EEFSEC: variants seen among roughly 807,000 people sequenced by gnomAD.
The protein encoded by EEFSEC is eukaryotic elongation factor, selenocysteine-tRNA specific, also known as selenocysteine-specific elongation factor.
EEFSEC carries 43 observed loss-of-function variants against 42.1 expected under a neutral mutation model. That is an observed-to-expected ratio of 1.02 (90% CI 0.80 to 1.32). The LOEUF (loss-of-function observed/expected upper bound fraction) is 1.32, where lower values mean the gene tolerates loss of function less well. Ranked by LOEUF, EEFSEC falls within the 40% of genes most tolerant of loss-of-function variation. EEFSEC has a pLI of 0.00. For synonymous variants in EEFSEC, 354 were observed against 339.1 expected (o/e 1.04, Z -0.48); for missense variants, 745 against 803.6 (o/e 0.93, Z 0.88).
intron 6 of EEFSEC, among the ~76,000 whole-genome samples, chr3:128,387,896 G>T (rs1045147775): frequency 1.3e-5 from 2 of 152,258 alleles, no homozygotes; most frequent in Admixed American, 1.3e-4. Context: ...CCTGGAGGAA[G>T]TAGGTCTCAG....
chr3:128,285,709 T>G (rs1041025289), intron 4 of EEFSEC, among the ~76,000 whole-genome samples: 2 of 152,058 alleles, frequency 1.3e-5, no homozygotes, highest in African/African-American at 2.4e-5. Context: ...CCAGCTCCCC[T>G]CGCCCACGCT....
chr3:128,293,660 C>CAAAAAAAAAAAAAAAAAA lies in EEFSEC; in HGVS notation c.786+28889_786+28906dup, dbSNP rs759485696. On this transcript the variant is annotated intron_variant, in intron 4 of 6. Coordinates refer to ENST00000254730, the MANE Select transcript of EEFSEC (RefSeq NM_021937.5). ...TGGGCGACAAAGCAAGACTCTATCT[C>CAAAAAAAAAAAAAAAAAA]AAAAAAAAAAAAAAAAAAAAAAAAA... 1.6e-3 allele frequency among the ~76,000 whole-genome samples: 23 copies of CAAAAAAAAAAAAAAAAAA among 14,116 alleles called. 1 individual carries two copies. The highest frequency in any genetic ancestry group is 3.6e-3 in the South Asian group (1 of 278). 9.3% of individuals were successfully genotyped at this position (14,116 alleles called of 152,430 possible).
chr3:128,358,794 T>A (rs946651791), intron 6 of EEFSEC, among the ~76,000 whole-genome samples: 4 of 152,134 alleles, frequency 2.6e-5, no homozygotes, highest in Non-Finnish European at 5.9e-5. Flanking sequence ...GTTGTCACCC[T>A]CCTTTGCCCA....
intron 5 of EEFSEC, among the ~76,000 whole-genome samples, chr3:128,348,271 C>CGTGTGTGTGTGCGTGTGT (rs71618139): frequency 9.5e-5 from 14 of 147,816 alleles, no homozygotes; most frequent in African/African-American, 2.8e-4. Context: ...TGTGTGTGTG[C>CGTGTGTGTGTGCGTGTGT]GTGTGCGTGT....
At chr3:128,253,265 C>T (rs2066206881) in intron 2 of EEFSEC, among the ~76,000 whole-genome samples, 1 of 152,222 alleles carries the variant, frequency 6.6e-6, no homozygotes, top group African/African-American at 2.4e-5. Flanking sequence ...GCCTCAGGCT[C>T]AGGGCGTGGA....
chr3:128,309,172 G>A (rs980878389), intron 4 of EEFSEC, among the ~76,000 whole-genome samples: 2 of 152,200 alleles, frequency 1.3e-5, no homozygotes, highest in Non-Finnish European at 2.9e-5. Flanking sequence ...CTGGCACATG[G>A]CTTGGAGAGG....
intron 6 of EEFSEC, among the ~76,000 whole-genome samples, chr3:128,374,640 C>T (rs1455341334): frequency 6.6e-6 from 1 of 152,008 alleles, no homozygotes; most frequent in Non-Finnish European, 1.5e-5. Context: ...CGTGATTTTC[C>T]TCCATGTTTA....
chr3:128,311,313 C>T (rs906489348), intron 4 of EEFSEC, among the ~76,000 whole-genome samples: 12 of 152,254 alleles, frequency 7.9e-5, no homozygotes, highest in African/African-American at 2.9e-4. Flanking sequence ...GAGCCCCATT[C>T]TGGGTCTGCC....
At chr3:128,323,290 C>T (rs1291425546) in intron 4 of EEFSEC, among the ~76,000 whole-genome samples, 2 of 152,278 alleles carry the variant, frequency 1.3e-5, no homozygotes, top group East Asian at 1.9e-4. Context: ...TGGCAGAAGC[C>T]GAGCCTCCTT....
chr3:128,362,144 A>T (rs372944604), intron 6 of EEFSEC: 13 of 477,282 alleles, frequency 2.7e-5, no homozygotes, highest in African/African-American at 7.9e-5. Context: ...CTGCGCTCCC[A>T]AAGCTCATCT....
chr3:128,311,639 G>A (rs74433832), intron 4 of EEFSEC, among the ~76,000 whole-genome samples: 1,709 of 152,256 alleles, frequency 0.011, 23 homozygotes, highest in African/African-American at 0.039. Context: ...TTCAGGCTTC[G>A]GTAGCACTCT....
At chr3:128,393,117 AAAG>A (rs1309396006) in intron 6 of EEFSEC, among the ~76,000 whole-genome samples, 3 of 152,176 alleles carry the variant, frequency 2.0e-5, no homozygotes, top group East Asian at 1.9e-4. Flanking sequence ...TTTAAAAAAC[AAAG>A]AAGAAGCTTT....
intron 1 of EEFSEC, among the ~76,000 whole-genome samples, chr3:128,234,003 A>G (rs1054495782): frequency 3.3e-5 from 5 of 151,904 alleles, no homozygotes. Flanking sequence ...CCTTTCCCCG[A>G]TTCCCTGACC....
At chr3:128,284,934 G>T (rs1337564242) in intron 4 of EEFSEC, among the ~76,000 whole-genome samples, 1 of 150,788 alleles carries the variant, frequency 6.6e-6, no homozygotes, top group Non-Finnish European at 1.5e-5. Context: ...AATGCAATAT[G>T]TAAGGAGAAG....
intron 4 of EEFSEC, among the ~76,000 whole-genome samples, chr3:128,338,131 G>T (rs1358253382): frequency 6.6e-6 from 1 of 152,200 alleles, no homozygotes; most frequent in Non-Finnish European, 1.5e-5. Context: ...ATCATAACTG[G>T]CACAATGCCT....
Position 128,259,483 on chromosome 3 carries a change from G to A in EEFSEC, c.525-2645G>A, listed in dbSNP as rs531407587. On this transcript the variant is annotated intron_variant, in intron 2 of 6. Coordinates refer to ENST00000254730, the MANE Select transcript of EEFSEC (RefSeq NM_021937.5). ...AGATGTCCATTGTGGTAGTGGAAAA[G>A]GTAGCATACCTTTCAATCTATTTTC... Among the ~76,000 whole-genome samples the A allele has an allele frequency of 5.3e-5, 8 of 152,286 alleles. No homozygotes were observed. The South Asian group carries it at 1.7e-3, about 32-fold the overall frequency.
At chr3:128,262,431 C>A (rs1005034269) in intron 3 of EEFSEC, among the ~76,000 whole-genome samples, 8 of 152,218 alleles carry the variant, frequency 5.3e-5, no homozygotes, top group African/African-American at 1.7e-4. Context: ...CTAAGGTTCA[C>A]TGAAGCCCAT....
chr3:128,179,242 G>A (rs1253111404), intron 1 of EEFSEC, among the ~76,000 whole-genome samples: 1 of 152,170 alleles, frequency 6.6e-6, no homozygotes, highest in Middle Eastern at 3.2e-3. Flanking sequence ...CTGTGCAGGC[G>A]AAATGTGAGA....
chr3:128,219,609 T>C lies in EEFSEC; in HGVS notation c.317-27227T>C, dbSNP rs146147815. 4.6e-3 allele frequency among the ~76,000 whole-genome samples: 700 copies of C among 152,320 alleles called. 4 individuals carry two copies. The highest frequency in any genetic ancestry group is 0.015 in the African/African-American group (615 of 41,568). On this transcript the variant is annotated intron_variant, in intron 1 of 6. Coordinates refer to ENST00000254730, the MANE Select transcript of EEFSEC (RefSeq NM_021937.5). The stretch of plus-strand genomic sequence containing the variant: ...ACCACTTTATCCCATAATCCTGTTT[T>C]ATTTTCTGTGCAGCTTTTATCTCTC...
Sources: gnomAD v4.1 joint callset for allele counts (sites outside exome capture counted in the v4.1 genomes callset) on GRCh38, gnomAD v4.1.1 for gene constraint, MANE v1.5 for transcripts, NCBI Gene and HGNC (gene_info 2026-07-23, HGNC 2026-07-21) for gene names.